Variants in CTNNA3 observed in about 807,000 individuals in gnomAD.
The protein encoded by CTNNA3 is catenin alpha-3.
Under a neutral mutation model 95.7 loss-of-function variants are expected in CTNNA3, and 76 were observed. That is an observed-to-expected ratio of 0.79 (90% CI 0.66 to 0.96). CTNNA3 has a LOEUF of 0.96. Among genes scored for constraint, CTNNA3 ranks in the 40% least tolerant of loss-of-function variants. The probability of loss-of-function intolerance (pLI) is 0.00; values close to 1 mark genes in which losing one functional copy is unlikely to be tolerated. For synonymous variants in CTNNA3, 431 were observed against 374.4 expected (o/e 1.15, Z -1.74); for missense variants, 1,191 against 1,089.8 (o/e 1.09, Z -1.31).
chr10:67,675,320 A>G (rs988877614), intron 1 of CTNNA3, among the ~76,000 whole-genome samples: 9 of 152,136 alleles, frequency 5.9e-5, no homozygotes, highest in African/African-American at 2.2e-4. Flanking sequence ...GTGGCCTAAG[A>G]AAACATTTAT....
intron 5 of CTNNA3, among the ~76,000 whole-genome samples, chr10:67,424,146 C>A (rs1425624525): frequency 2.6e-5 from 4 of 152,062 alleles, no homozygotes; most frequent in African/African-American, 4.8e-5. Context: ...TGTAGGTGTG[C>A]GACTGATGAG....
intron 1 of CTNNA3, among the ~76,000 whole-genome samples, chr10:67,755,629 C>T (rs563699933): frequency 4.0e-5 from 6 of 151,586 alleles, no homozygotes; most frequent in African/African-American, 1.2e-4. Context: ...TGGTAAAACC[C>T]CATCTCTACT....
chr10:66,292,208 A>G (rs1038907911), intron 12 of CTNNA3, among the ~76,000 whole-genome samples: 18 of 151,852 alleles, frequency 1.2e-4, no homozygotes, highest in African/African-American at 4.1e-4. Flanking sequence ...CCCACTCTCC[A>G]TGTTCAATCA....
intron 10 of CTNNA3, among the ~76,000 whole-genome samples, chr10:66,565,357 A>G (rs1264384201): frequency 6.6e-6 from 1 of 152,170 alleles, no homozygotes; most frequent in Non-Finnish European, 1.5e-5. Context: ...AATGAGACAG[A>G]TGTCAAGTAA....
chr10:66,036,175 A>G (rs2079559207), intron 15 of CTNNA3, among the ~76,000 whole-genome samples: 1 of 152,150 alleles, frequency 6.6e-6, no homozygotes, highest in Admixed American at 6.5e-5. Context: ...GATTTGTAAC[A>G]TTACTATCTT....
chr10:67,057,716 A>G (rs1855523165), intron 7 of CTNNA3, among the ~76,000 whole-genome samples: 1 of 151,944 alleles, frequency 6.6e-6, no homozygotes, highest in Non-Finnish European at 1.5e-5. Flanking sequence ...CCTGATCACC[A>G]TTTTACCACC....
intron 5 of CTNNA3, among the ~76,000 whole-genome samples, chr10:67,309,103 C>T (rs1840677249): frequency 6.6e-6 from 1 of 152,100 alleles, no homozygotes; most frequent in Non-Finnish European, 1.5e-5. Context: ...AAAAGTTTAA[C>T]ATTTCAACCT....
intron 10 of CTNNA3, among the ~76,000 whole-genome samples, chr10:66,603,004 T>G (rs1235160316): frequency 6.6e-6 from 1 of 152,044 alleles, no homozygotes; most frequent in Non-Finnish European, 1.5e-5. Context: ...TGGGGAAAAC[T>G]CTAAGCCTTT....
At chr10:66,402,132 A>G (rs1456559832) in intron 11 of CTNNA3, among the ~76,000 whole-genome samples, 1 of 152,194 alleles carries the variant, frequency 6.6e-6, no homozygotes, top group African/African-American at 2.4e-5. Context: ...TATAATGGTT[A>G]TTATTTCATG....
chr10:66,696,772 A>T (rs1429333819), intron 9 of CTNNA3, among the ~76,000 whole-genome samples: 1 of 71,362 alleles, frequency 1.4e-5, no homozygotes, highest in Non-Finnish European at 3.3e-5. Context: ...GTCTCTATTA[A>T]AAAAAAAAAT....
chr10:66,680,806 C>T (rs1456142357), intron 9 of CTNNA3, among the ~76,000 whole-genome samples: 1 of 151,898 alleles, frequency 6.6e-6, no homozygotes, highest in Non-Finnish European at 1.5e-5. Context: ...ACAAAGCTAC[C>T]AAGGTAAGAA....
intron 7 of CTNNA3, among the ~76,000 whole-genome samples, chr10:67,045,293 T>C (rs1854655850): frequency 6.6e-6 from 1 of 152,212 alleles, no homozygotes; most frequent in Non-Finnish European, 1.5e-5. Flanking sequence ...ACCATCTTTG[T>C]TCCCAAGGAG....
chr10:67,154,251 T>G (rs12777976), intron 7 of CTNNA3, among the ~76,000 whole-genome samples: 97,779 of 152,020 alleles, frequency 0.64, 32,498 homozygotes, highest in African/African-American at 0.82. Flanking sequence ...TGAATAACCT[T>G]CATTCTATTA....
intron 11 of CTNNA3, among the ~76,000 whole-genome samples, chr10:66,445,873 A>T (rs559959030): frequency 1.3e-5 from 2 of 152,298 alleles, no homozygotes; most frequent in South Asian, 2.1e-4. Context: ...CAAAAAATTA[A>T]TGAATCCAGG....
rs1333267555 is a variant in CTNNA3, at chr10:65,958,025, C to T, written c.2400+8587G>A. On this transcript the variant is annotated intron_variant, in intron 17 of 17. Coordinates refer to ENST00000433211, the MANE Select transcript of CTNNA3 (RefSeq NM_013266.4). ...CCCCGTCACTTTCAGGTACACCAAT[C>T]AGATGTAGATTTGGTCTTTTCACAT... Among the ~76,000 whole-genome samples the T allele has an allele frequency of 2.0e-5, 3 of 152,320 alleles. No individual in the cohort carries two copies. The South Asian group carries it at 6.2e-4, about 32-fold the overall frequency.
chr10:66,379,102 G>T, intron 12 of CTNNA3, 50 bp downstream of exon 12: 1 of 1,425,018 alleles, frequency 7.0e-7, no homozygotes, highest in Non-Finnish European at 9.9e-7. Flanking sequence ...TCGTAGCTAT[G>T]TAGATTCAAA....
chr10:67,598,279 C>T (rs929542834), intron 3 of CTNNA3, among the ~76,000 whole-genome samples: 1 of 152,108 alleles, frequency 6.6e-6, no homozygotes, highest in African/African-American at 2.4e-5. Flanking sequence ...GTTCAAATGT[C>T]TATGGGGATC....
chr10:66,172,765 T>C (rs1054588143), intron 13 of CTNNA3, among the ~76,000 whole-genome samples: 8 of 152,160 alleles, frequency 5.3e-5, no homozygotes, highest in Non-Finnish European at 8.8e-5. Context: ...GCAGCTAGCT[T>C]GTCCTCACAT....
intron 15 of CTNNA3, among the ~76,000 whole-genome samples, chr10:66,044,700 A>G (rs1433821520): frequency 1.3e-5 from 2 of 152,108 alleles, no homozygotes; most frequent in Non-Finnish European, 2.9e-5. Flanking sequence ...GTTTTGTGGG[A>G]TTCTGTAAAG....
Sources: allele counts gnomAD v4.1 joint callset (sites outside exome capture counted in the v4.1 genomes callset), GRCh38; gene constraint gnomAD v4.1.1; transcripts MANE v1.5; gene names NCBI Gene and HGNC (gene_info 2026-07-23, HGNC 2026-07-21).